Variants in TMEM108 observed in about 807,000 individuals in gnomAD.
TMEM108 encodes the protein transmembrane protein 108, also known as cancer/testis antigen 124.
TMEM108 carries 12 observed loss-of-function variants against 35.1 expected under a neutral mutation model. That is an observed-to-expected ratio of 0.34 (90% CI 0.22 to 0.55). TMEM108 has a LOEUF of 0.55. Among genes scored for constraint, TMEM108 ranks in the 20% least tolerant of loss-of-function variants. The probability of loss-of-function intolerance (pLI) is 0.89; values close to 1 mark genes in which losing one functional copy is unlikely to be tolerated. For synonymous variants in TMEM108, 287 were observed against 308.6 expected (o/e 0.93, Z 0.73); for missense variants, 680 against 753.3 (o/e 0.90, Z 1.14).
chr3:133,102,876 A>AT (rs1553733796), intron 2 of TMEM108, among the ~76,000 whole-genome samples: 1 of 151,950 alleles, frequency 6.6e-6, no homozygotes, highest in Non-Finnish European at 1.5e-5. Flanking sequence ...TTCCATTCAA[A>AT]CCCCCAATGA....
At chr3:133,279,517 C>G (rs1343350921) in intron 3 of TMEM108, among the ~76,000 whole-genome samples, 1 of 152,214 alleles carries the variant, frequency 6.6e-6, no homozygotes, top group African/African-American at 2.4e-5. Flanking sequence ...TGGGGCCTCT[C>G]GTAACTCCAC....
At chr3:133,186,733 GT>G (rs1945426722) in intron 2 of TMEM108, among the ~76,000 whole-genome samples, 1 of 152,138 alleles carries the variant, frequency 6.6e-6, no homozygotes, top group Admixed American at 6.5e-5. Flanking sequence ...CTAATTGTAG[GT>G]TTCAAGTCTT....
intron 2 of TMEM108, among the ~76,000 whole-genome samples, chr3:133,067,323 G>A (rs59294756): frequency 0.4 from 60,700 of 152,044 alleles, 12,718 homozygotes; most frequent in Admixed American, 0.48. Flanking sequence ...TGCCCATCTG[G>A]TAGGTATTTG....
At chr3:133,297,785 T>C (rs1254919645) in intron 3 of TMEM108, among the ~76,000 whole-genome samples, 2 of 152,182 alleles carry the variant, frequency 1.3e-5, no homozygotes, top group Non-Finnish European at 2.9e-5. Flanking sequence ...GCTGTATTCA[T>C]GTTGCTTTAC....
chr3:133,143,601 C>T (rs1432523740), intron 2 of TMEM108, among the ~76,000 whole-genome samples: 1 of 152,152 alleles, frequency 6.6e-6, no homozygotes, highest in Non-Finnish European at 1.5e-5. Context: ...TTCTGTTTTA[C>T]AGATGAGGAA....
intron 2 of TMEM108, among the ~76,000 whole-genome samples, chr3:133,212,882 G>GA (rs35722031): frequency 0.46 from 58,722 of 127,318 alleles, 13,525 homozygotes; most frequent in African/African-American, 0.64. Context: ...AAAAAAAAAG[G>GA]AAAAAAAAAA....
At chr3:133,389,134 T>C in intron 4 of TMEM108, 1 of 985,756 alleles carries the variant, frequency 1.0e-6, no homozygotes. Flanking sequence ...GTTACCCTTC[T>C]GCAGTGTGAA....
intron 2 of TMEM108, among the ~76,000 whole-genome samples, chr3:133,215,569 A>G (rs1945895695): frequency 1.3e-5 from 2 of 152,114 alleles, no homozygotes; most frequent in African/African-American, 4.8e-5. Context: ...ATTACAAAGA[A>G]ATTTTAGGGA....
intron 3 of TMEM108, among the ~76,000 whole-genome samples, chr3:133,339,996 AG>A (rs370179925): frequency 1.3e-5 from 2 of 151,728 alleles, no homozygotes; most frequent in African/African-American, 2.4e-5. Context: ...ATATCAAAAA[AG>A]AAGAAAAATG....
At chr3:133,083,693 A>G (rs1414944679) in intron 2 of TMEM108, among the ~76,000 whole-genome samples, 3 of 152,182 alleles carry the variant, frequency 2.0e-5, no homozygotes, top group Non-Finnish European at 4.4e-5. Context: ...AGGACATTCC[A>G]AAGACAATGG....
At chr3:133,065,232 A>T (rs150056980) in intron 2 of TMEM108, among the ~76,000 whole-genome samples, 2 of 152,172 alleles carry the variant, frequency 1.3e-5, no homozygotes, top group African/African-American at 4.8e-5. Context: ...TGTGGACTCC[A>T]AAAGTGTGGT....
intron 2 of TMEM108, among the ~76,000 whole-genome samples, chr3:133,110,733 G>A (rs554684063): frequency 4.1e-4 from 62 of 152,290 alleles, no homozygotes; most frequent in African/African-American, 1.4e-3. Flanking sequence ...CCACTGAAGC[G>A]AGACTGTCTC....
chr3:133,380,412 C>T lies in TMEM108; in HGVS notation c.701C>T (p.Thr234Ile). The change falls in exon 4 of 6, where the codon ACC becomes ATC. Residue 234 changes from threonine to isoleucine, a missense_variant. Around this residue, in one of 3 missense-constraint regions of TMEM108, gnomAD observed 526 missense variants for 532.1 expected, o/e 0.99. Transcript: ENST00000321871. This position sits in a 1 kb window ranked among gnomAD's most constrained non-coding sequence, Gnocchi z 5.3. ...GGGTCTGTGGAACCGGAGCCCTCTA[C>T]CCTCACCCCCAGGACCCCACTCTGG... is the stretch of plus-strand genomic sequence containing the variant. ...FTGSVEPEPS[T>I]LTPRTPLWGY... 6.2e-7 allele frequency: 1 copy of T among 1,613,682 alleles called. No homozygotes were observed. The highest frequency in any genetic ancestry group is 1.1e-5 in the South Asian group (1 of 91,044).
At chr3:133,040,077 G>T (rs1056040629) in intron 1 of TMEM108, among the ~76,000 whole-genome samples, 3 of 152,076 alleles carry the variant, frequency 2.0e-5, no homozygotes, top group African/African-American at 7.2e-5. Context: ...TTGCTGCAAA[G>T]CTCATTTAGA....
At chr3:133,136,097 A>G (rs1310112346) in intron 2 of TMEM108, among the ~76,000 whole-genome samples, 3 of 152,134 alleles carry the variant, frequency 2.0e-5, no homozygotes, top group South Asian at 2.1e-4. Context: ...TGCAAAGTCT[A>G]TTTTCTGCAA....
chr3:133,345,039 G>A (rs1449418384), intron 3 of TMEM108, among the ~76,000 whole-genome samples: 36 of 151,852 alleles, frequency 2.4e-4, no homozygotes, highest in Non-Finnish European at 5.3e-4. Context: ...AGAGGCCTAT[G>A]TCACTGAAAA....
At chr3:133,088,388 G>A (rs1943908966) in intron 2 of TMEM108, among the ~76,000 whole-genome samples, 1 of 152,188 alleles carries the variant, frequency 6.6e-6, no homozygotes, top group African/African-American at 2.4e-5. Context: ...TACACAGGGT[G>A]TGTTTGAGAA....
chr3:133,058,890 C>A (rs1351216503), intron 2 of TMEM108, among the ~76,000 whole-genome samples: 3 of 152,180 alleles, frequency 2.0e-5, no homozygotes, highest in Non-Finnish European at 1.5e-5. Flanking sequence ...GGTTTCATTG[C>A]ATTAATAATG....
chr3:133,252,925 T>A (rs1357973115), intron 3 of TMEM108, among the ~76,000 whole-genome samples: 1 of 152,216 alleles, frequency 6.6e-6, no homozygotes, highest in Non-Finnish European at 1.5e-5. Context: ...TATAAAAGAC[T>A]TGAGCATTCA....
Sources: gnomAD v4.1 joint callset for allele counts (sites outside exome capture counted in the v4.1 genomes callset) on GRCh38, gnomAD v4.1.1 for gene constraint, gnomAD v4.1.1 regional missense constraint, Gnocchi (gnomAD v3.1) non-coding constraint, MANE v1.5 for transcripts, NCBI Gene and HGNC (gene_info 2026-07-23, HGNC 2026-07-21) for gene names.